IST1: variants seen among roughly 807,000 people sequenced by gnomAD.
IST1 encodes the protein IST1 homolog.
A neutral mutation model predicts 37.0 loss-of-function variants in IST1; 23 were observed. The observed-to-expected ratio is 0.62, with a 90% CI of 0.45 to 0.88. IST1 has a LOEUF of 0.88. Among genes scored for constraint, IST1 ranks in the 40% least tolerant of loss-of-function variants. The probability of loss-of-function intolerance (pLI) is 0.00; values close to 1 mark genes in which losing one functional copy is unlikely to be tolerated. For synonymous variants in IST1, 180 were observed against 161.7 expected, an observed-to-expected ratio of 1.11 and a Z score of -0.86; for missense variants, 488 against 445.4, an observed-to-expected ratio of 1.10 and a Z score of -0.86.
intron 6 of IST1, 44 bp from the exon 7 acceptor site, chr16:71,922,430 C>T (rs774070997): frequency 1.3e-6 from 2 of 1,539,098 alleles, no homozygotes; most frequent in Non-Finnish European, 1.8e-6. Flanking sequence ...GGGAACCTGG[C>T]CTTGGACATG....
At chr16:71,911,236 C>G (rs761094368) in intron 1 of IST1, among the ~76,000 whole-genome samples, 87 of 150,842 alleles carry the variant, frequency 5.8e-4, no homozygotes, top group Admixed American at 3.4e-3. Flanking sequence ...GAGACTCTTA[C>G]GTCAAAAACA....
At chr16:71,922,725 G>C in intron 7 of IST1, 45 bp downstream of exon 7, 3 of 1,492,780 alleles carry the variant, frequency 2.0e-6, no homozygotes, top group South Asian at 1.2e-5. Context: ...AAATGTTATA[G>C]ATAACAAGTT....
chr16:71,930,551 A>C lies in IST1; in HGVS notation c.*2738A>C, dbSNP rs1366603366. 6.2e-6 allele frequency: 1 copy of C among 162,176 alleles called. No homozygotes were observed. The highest frequency in any genetic ancestry group is 1.7e-4 in the East Asian group (1 of 5,730). 10.0% of individuals were successfully genotyped at this position (162,176 alleles called of 1,614,324 possible). ...AAAGATTAAATGCATACCAGAAATG[A>C]GAATGCACACTGTCTCTGCCATATC... On this transcript the variant is annotated 3_prime_UTR_variant, in exon 10 of 10. Coordinates refer to ENST00000378799, the MANE Select transcript of IST1 (RefSeq NM_001270975.2).
In IST1 at chr16:71,930,263, G is replaced by C; in HGVS notation, c.*2450G>C. On this transcript the variant is annotated 3_prime_UTR_variant, in exon 10 of 10. Transcript: ENST00000378799. ...AAACATAAGCTATATGCTAGTGTTT[G>C]GGATCTTATCAGAAGAAAAGCTTAT... is the stretch of plus-strand genomic sequence containing the variant. 2 of 1,360,228 alleles carry C rather than the reference G, an allele frequency of 1.5e-6. No homozygotes were observed. Among genetic ancestry groups the C allele is most frequent in the Non-Finnish European group, 1.9e-6 (2 of 1,034,510 alleles). The allele number at this position is 1,360,228 out of a possible 1,614,324, so 84.3% of individuals were successfully genotyped here. A position where few individuals can be genotyped will look rare whatever the true frequency, so the allele number is the denominator to read the frequency against.
At chr16:71,894,570 G>C (rs535740886), upstream of IST1, 45 of 356,516 alleles carry the variant, frequency 1.3e-4, no homozygotes, top group Non-Finnish European at 2.0e-4. Flanking sequence ...CTGTAGCCTA[G>C]GCTGGAGTGC....
At chr16:71,922,049 A>G (rs2037602701) in intron 6 of IST1, among the ~76,000 whole-genome samples, 2 of 152,288 alleles carry the variant, frequency 1.3e-5, no homozygotes, top group South Asian at 4.1e-4. Context: ...AGGCAGGAGA[A>G]TGGCTTGAAC....
At chr16:71,922,910 T>C (rs936394327) in intron 7 of IST1, 2 of 583,350 alleles carry the variant, frequency 3.4e-6, no homozygotes, top group Non-Finnish European at 6.1e-6. Context: ...ACTTTTCATA[T>C]AGGTTTACTG....
intron 5 of IST1, 127 bp from the exon 6 acceptor site, chr16:71,921,216 A>T (rs1004262269): frequency 4.6e-6 from 3 of 645,824 alleles, no homozygotes; most frequent in South Asian, 1.9e-5. Context: ...AAAATCATTT[A>T]ACTGCTCTGA....
At chr16:71,923,042 C>T (rs899315837) in intron 7 of IST1, 74 of 464,224 alleles carry the variant, frequency 1.6e-4, no homozygotes, top group African/African-American at 7.0e-4. Context: ...AAGAAAGTCT[C>T]GTTAGAGTTT....
chr16:71,906,126 C>T (rs545150996), intron 1 of IST1, among the ~76,000 whole-genome samples: 75 of 151,604 alleles, frequency 4.9e-4, no homozygotes, highest in Non-Finnish European at 9.3e-4. Flanking sequence ...GCCTCAGCCT[C>T]CCGAGTAGCT....
intron 1 of IST1, chr16:71,903,700 T>C (rs1217942688): frequency 6.6e-6 from 1 of 152,194 alleles, no homozygotes; most frequent in African/African-American, 2.4e-5. Context: ...TGCCTGGTCC[T>C]ATTTAATTTG....
chr16:71,922,653 T>G lies in IST1; in HGVS notation c.732T>G (p.Pro244=). Residue 244 remains proline, a synonymous_variant, in exon 7 of 10, where the codon CCT becomes CCG. Coordinates refer to ENST00000378799, the MANE Select transcript of IST1 (RefSeq NM_001270975.2). ...MPMPMPSANT[P]FSYPLPKGPS... is the part of the protein sequence containing the mutation. ...TGCCTATGCCATCTGCAAATACGCC[T>G]TTCTCATATCCACTGCCAAAGGGAC... The G allele has an allele frequency of 3.1e-6, 5 of 1,612,492 alleles. No homozygotes were observed. The highest frequency in any genetic ancestry group is 4.2e-6 in the Non-Finnish European group (5 of 1,179,606).
chr16:71,906,357 G>T (rs1356419083), intron 1 of IST1, among the ~76,000 whole-genome samples: 1 of 151,786 alleles, frequency 6.6e-6, no homozygotes, highest in Non-Finnish European at 1.5e-5. Context: ...GCCCAGGCTG[G>T]AATGCAGTGG....
chr16:71,896,386 A>T (rs1227706508), intron 1 of IST1, among the ~76,000 whole-genome samples: 1 of 152,038 alleles, frequency 6.6e-6, no homozygotes, highest in African/African-American at 2.4e-5. Flanking sequence ...GGGAAACTTG[A>T]ATTTTAAAAT....
At chr16:71,908,161 C>A (rs1397465693) in intron 1 of IST1, among the ~76,000 whole-genome samples, 2 of 151,864 alleles carry the variant, frequency 1.3e-5, no homozygotes, top group African/African-American at 2.4e-5. Context: ...CCAGGCTGGT[C>A]TTGAACTCCT....
Position 71,923,314 on chromosome 16 carries a change from G to T in IST1, c.786G>T (p.Gly262=), listed in dbSNP as rs767052684. The change falls in exon 8 of 10, where the codon GGG becomes GGT. Residue 262 remains glycine, a synonymous_variant. Transcript: ENST00000378799. ...GPSDFNGLPM[G]TYQAFPNIHP... ...CAGATTTCAATGGACTGCCAATGGG[G>T]ACTTATCAGGCCTTTCCCAATATTC... 1.2e-6 allele frequency: 2 copies of T among 1,611,640 alleles called. No homozygotes were observed. The highest frequency in any genetic ancestry group is 1.7e-6 in the Non-Finnish European group (2 of 1,178,138).
chr16:71,901,156 A>G (rs1237431072), intron 1 of IST1, among the ~76,000 whole-genome samples: 1 of 152,174 alleles, frequency 6.6e-6, no homozygotes, highest in South Asian at 2.1e-4. Context: ...AGTTTATGTT[A>G]TGTTTAGCTT....
intron 1 of IST1, among the ~76,000 whole-genome samples, chr16:71,905,165 A>G (rs2037194715): frequency 6.6e-6 from 1 of 151,828 alleles, no homozygotes; most frequent in Non-Finnish European, 1.5e-5. Context: ...CCTCCCAAGT[A>G]GCTGGGACTG....
At chr16:71,920,211 A>G (rs754896310) in intron 4 of IST1, among the ~76,000 whole-genome samples, 12 of 152,272 alleles carry the variant, frequency 7.9e-5, no homozygotes, top group Non-Finnish European at 1.8e-4. Flanking sequence ...AGGAAGGGGC[A>G]TAGGCTGCGA....
Sources: gnomAD v4.1 joint callset for allele counts (sites outside exome capture counted in the v4.1 genomes callset) on GRCh38, gnomAD v4.1.1 for gene constraint, MANE v1.5 for transcripts, NCBI Gene and HGNC (gene_info 2026-07-23, HGNC 2026-07-21) for gene names.